CALN1: variants seen among roughly 807,000 people sequenced by gnomAD.
CALN1 encodes the protein calneuron 1, also known as calcium-binding protein 8.
A neutral mutation model predicts 30.6 loss-of-function variants in CALN1; 17 were observed. The ratio of observed to expected loss-of-function variants is 0.56; its 90% CI spans 0.38 to 0.83. The LOEUF (loss-of-function observed/expected upper bound fraction) is 0.83, where lower values mean the gene tolerates loss of function less well. Ranked by LOEUF, CALN1 falls within the 40% of genes least tolerant of loss-of-function variation. The pLI, the probability that CALN1 is intolerant of heterozygous loss-of-function variation, is 0.00. For missense variants in CALN1, 291 were observed against 354.9 expected (o/e 0.82, Z 1.45); for synonymous variants, 156 against 131.4 (o/e 1.19, Z -1.28).
At chr7:72,328,687 C>T (rs553751516) in intron 2 of CALN1, among the ~76,000 whole-genome samples, 6 of 152,214 alleles carry the variant, frequency 3.9e-5, no homozygotes, top group South Asian at 4.2e-4. Flanking sequence ...TGGTGATCAT[C>T]GGTGTCTACA....
At chr7:72,151,915 T>C (rs939211725) in intron 3 of CALN1, among the ~76,000 whole-genome samples, 5 of 149,866 alleles carry the variant, frequency 3.3e-5, no homozygotes, top group Admixed American at 1.3e-4. Flanking sequence ...CTTTTCTTTT[T>C]TTTTTTTTTT....
rs1278158857 is a variant in CALN1 at position 72,242,441 on chromosome 7, C to T, written c.244+36245G>A. On this transcript the variant is annotated intron_variant, in intron 3 of 6. Coordinates refer to ENST00000395275, the MANE Select transcript of CALN1 (RefSeq NM_031468.4). The stretch of plus-strand genomic sequence containing the variant: ...AACCTTTGGGAGTAAGAGAGAACAA[C>T]TCATTATTTTTTGTACACGGTTGGG... 5.9e-5 allele frequency among the ~76,000 whole-genome samples: 9 copies of T among 152,058 alleles called. No individual in the cohort carries two copies. The South Asian group carries it at 1.9e-3, about 32-fold the overall frequency.
chr7:72,490,483 C>T, the CALN1 span, among the ~76,000 whole-genome samples: 2 of 152,170 alleles, frequency 1.3e-5, no homozygotes, highest in Non-Finnish European at 2.9e-5. Flanking sequence ...ATTTCCTCCT[C>T]TACAGTAGGA....
chr7:72,018,014 C>G (rs991408270), intron 5 of CALN1, among the ~76,000 whole-genome samples: 2 of 152,056 alleles, frequency 1.3e-5, no homozygotes, highest in African/African-American at 4.8e-5. Flanking sequence ...TCCCATGATC[C>G]TTTCACATAT....
At chr7:71,806,260 A>ACACATG (rs1554341668) in intron 6 of CALN1, among the ~76,000 whole-genome samples, 6 of 150,164 alleles carry the variant, frequency 4.0e-5, no homozygotes, top group African/African-American at 1.5e-4. Flanking sequence ...GCACACACAC[A>ACACATG]CACACACACA....
chr7:72,372,053 G>C (rs1165909854), intron 2 of CALN1, among the ~76,000 whole-genome samples: 2 of 152,152 alleles, frequency 1.3e-5, no homozygotes, highest in Admixed American at 1.3e-4. Context: ...TTGAACGTAG[G>C]TATTAGCAAA....
intron 5 of CALN1, among the ~76,000 whole-genome samples, chr7:72,015,581 A>G (rs1800332539): frequency 6.6e-6 from 1 of 152,146 alleles, no homozygotes; most frequent in Non-Finnish European, 1.5e-5. Flanking sequence ...CTGGGACTAC[A>G]GGCATGTGCC....
At chr7:71,865,972 G>A (rs1019584374) in intron 5 of CALN1, among the ~76,000 whole-genome samples, 4 of 151,900 alleles carry the variant, frequency 2.6e-5, no homozygotes, top group African/African-American at 7.2e-5. Flanking sequence ...GCAGCTTTCT[G>A]AGAAATGCAA....
intron 2 of CALN1, among the ~76,000 whole-genome samples, chr7:72,341,349 CA>C (rs1317221008): frequency 6.6e-6 from 1 of 152,142 alleles, no homozygotes; most frequent in Non-Finnish European, 1.5e-5. Flanking sequence ...ATGGTGAAAC[CA>C]CGCCTCTACT....
chr7:72,314,126 G>A (rs530299740), intron 2 of CALN1, among the ~76,000 whole-genome samples: 73 of 152,184 alleles, frequency 4.8e-4, no homozygotes, highest in Non-Finnish European at 9.4e-4. Flanking sequence ...GGTGTCGGTC[G>A]ACTGAGGGCA....
At chr7:71,932,228 T>A (rs1795591796) in intron 5 of CALN1, among the ~76,000 whole-genome samples, 1 of 152,196 alleles carries the variant, frequency 6.6e-6, no homozygotes, top group South Asian at 2.1e-4. Flanking sequence ...TCACCCAGGC[T>A]GGAGTACAGT....
intron 5 of CALN1, among the ~76,000 whole-genome samples, chr7:71,864,769 A>G (rs1791491818): frequency 6.6e-6 from 1 of 152,218 alleles, no homozygotes; most frequent in African/African-American, 2.4e-5. Context: ...TGGGAGGCCA[A>G]GGCAGGAGGA....
the CALN1 span, among the ~76,000 whole-genome samples, chr7:72,492,637 G>T: frequency 6.6e-6 from 1 of 152,214 alleles, no homozygotes; most frequent in South Asian, 2.1e-4. Flanking sequence ...CATGCCAACC[G>T]CTGGGTCAGC....
intron 5 of CALN1, among the ~76,000 whole-genome samples, chr7:71,821,937 T>C (rs570486875): frequency 2.6e-5 from 4 of 151,262 alleles, no homozygotes; most frequent in African/African-American, 4.9e-5. Context: ...ACGGCTAATT[T>C]TTGCATTTTT....
the CALN1 span, among the ~76,000 whole-genome samples, chr7:72,480,943 A>G: frequency 1.3e-4 from 20 of 151,952 alleles, no homozygotes; most frequent in Non-Finnish European, 2.6e-4. Flanking sequence ...ATGTCTATCA[A>G]TTTTACTTAC....
At chr7:71,793,794 T>C in intron 6 of CALN1, among the ~76,000 whole-genome samples, 1 of 152,112 alleles carries the variant, frequency 6.6e-6, no homozygotes, top group East Asian at 1.9e-4. Context: ...GAGGATCACT[T>C]GAACCCAGGA....
At chr7:72,329,579 C>T (rs1356737922) in intron 2 of CALN1, among the ~76,000 whole-genome samples, 3 of 152,222 alleles carry the variant, frequency 2.0e-5, no homozygotes, top group Admixed American at 6.5e-5. Flanking sequence ...TGTTCCCACA[C>T]CCTGGAAGTT....
chr7:72,106,966 G>GGAGAAAGA (rs1807209699), intron 3 of CALN1, among the ~76,000 whole-genome samples: 1 of 149,576 alleles, frequency 6.7e-6, no homozygotes, highest in African/African-American at 2.5e-5. Context: ...ATGAAGAAAG[G>GGAGAAAGA]GAGAAAGAGA....
intron 3 of CALN1, among the ~76,000 whole-genome samples, chr7:72,233,408 A>G (rs1794250110): frequency 6.6e-6 from 1 of 152,042 alleles, no homozygotes; most frequent in Non-Finnish European, 1.5e-5. Context: ...TCACAAAGAG[A>G]TGTTTCCTTT....
Sources: gnomAD v4.1 joint callset for allele counts (sites outside exome capture counted in the v4.1 genomes callset) on GRCh38, gnomAD v4.1.1 for gene constraint, MANE v1.5 for transcripts, NCBI Gene and HGNC (gene_info 2026-07-23, HGNC 2026-07-21) for gene names.